The following ATP2B2 variants were observed in gnomAD, a reference collection of about 807,000 sequenced individuals.
ATP2B2 encodes ATPase plasma membrane Ca2+ transporting 2.
A neutral mutation model predicts 120.0 loss-of-function variants in ATP2B2; 15 were observed. The observed-to-expected ratio is 0.12, with a 90% CI of 0.08 to 0.19. ATP2B2 has a LOEUF of 0.19. Among genes scored for constraint, ATP2B2 ranks in the 10% least tolerant of loss-of-function variants. The pLI, the probability that ATP2B2 is intolerant of heterozygous loss-of-function variation, is 1.00. For synonymous variants in ATP2B2, 694 were observed against 700.3 expected (o/e 0.99, Z 0.14); for missense variants, 1,045 against 1,719.8 (o/e 0.61, Z 6.94).
chr3:10,687,733 C>T (rs1193948989), intron 1 of ATP2B2, among the ~76,000 whole-genome samples: 1 of 152,034 alleles, frequency 6.6e-6, no homozygotes, highest in African/African-American at 2.4e-5. Flanking sequence ...TAGTGGTGCA[C>T]ACTTGTAATC....
intron 3 of ATP2B2, among the ~76,000 whole-genome samples, chr3:10,526,857 G>A (rs1402961725): frequency 6.6e-6 from 1 of 152,152 alleles, no homozygotes; most frequent in East Asian, 1.9e-4. Context: ...TAACCATGAT[G>A]ATAGTGATGA....
chr3:10,388,267 T>C lies in ATP2B2; in HGVS notation c.907+10A>G. The C allele has an allele frequency of 6.2e-7, 1 of 1,614,138 alleles. No individual in the cohort carries two copies. On this transcript the variant is annotated intron_variant, in intron 6 of 22. Coordinates refer to ENST00000360273, the MANE Select transcript of ATP2B2 (RefSeq NM_001001331.4). ...GCTCCTCTCCTGGTCTGCAAGGGGA[T>C]TAGGCTTACCTTTTTTGTCTTTCTT...
intron 6 of ATP2B2, chr3:10,387,937 C>T (rs2061729100): frequency 5.6e-6 from 2 of 355,232 alleles, no homozygotes; most frequent in Non-Finnish European, 1.1e-5. Context: ...GGGATTTCTA[C>T]TCAATACTGG....
At chr3:10,668,820 A>G (rs2071017308) in intron 1 of ATP2B2, among the ~76,000 whole-genome samples, 1 of 152,224 alleles carries the variant, frequency 6.6e-6, no homozygotes, top group African/African-American at 2.4e-5. Context: ...TTTCTGCTGT[A>G]TCCCCAGCCC....
rs2068499254 is a variant in ATP2B2 at position 10,585,867 on chromosome 3, T to A, written c.-415+34050A>T. Among the ~76,000 whole-genome samples the A allele has an allele frequency of 2.6e-5, 4 of 152,202 alleles. 1 individual carries two copies. In the South Asian group the frequency reaches 6.2e-4, roughly 24 times the overall value. ...AAACTAACTTCTCTATTTGCTTTCGTGTTCCCTCTGTTCTGTCACTAGAAT... is the reference window on the plus strand; with the variant it reads ...AAACTAACTTCTCTATTTGCTTTCGAGTTCCCTCTGTTCTGTCACTAGAAT... On this transcript the variant is annotated intron_variant, in intron 2 of 21. Coordinates refer to the ATP2B2 transcript ENST00000646379.
chr3:10,695,438 T>C (rs2071728986), intron 1 of ATP2B2, among the ~76,000 whole-genome samples: 1 of 152,022 alleles, frequency 6.6e-6, no homozygotes, highest in Non-Finnish European at 1.5e-5. Context: ...AAAATGAGAT[T>C]TGGATGGGGA....
rs914583980 is a variant in ATP2B2, at chr3:10,501,084, A to T, written c.-320+4381T>A. Reference sequence around the variant, plus strand: ...AACACACTCTCCCCCATACCCAGGGACCTCTGTTTCTTTAGGAACCTGAGC... The same window carrying T: ...AACACACTCTCCCCCATACCCAGGGTCCTCTGTTTCTTTAGGAACCTGAGC... On this transcript the variant is annotated intron_variant, in intron 1 of 22. Transcript: ENST00000360273. 3.3e-5 allele frequency among the ~76,000 whole-genome samples: 5 copies of T among 152,118 alleles called. No homozygotes were observed. In the East Asian group the frequency reaches 7.7e-4, roughly 24 times the overall value.
chr3:10,433,400 T>C (rs565505625), intron 2 of ATP2B2, among the ~76,000 whole-genome samples: 48 of 152,282 alleles, frequency 3.2e-4, no homozygotes, highest in South Asian at 1.0e-3. Flanking sequence ...GGGGGTGCTA[T>C]TTCTGATACT....
At chr3:10,536,686 C>G (rs1401955958) in intron 2 of ATP2B2, among the ~76,000 whole-genome samples, 1 of 152,036 alleles carries the variant, frequency 6.6e-6, no homozygotes, top group East Asian at 1.9e-4. Context: ...ACCACTATGC[C>G]CAGCTAATTT....
intron 1 of ATP2B2, among the ~76,000 whole-genome samples, chr3:10,622,740 G>T (rs973249385): frequency 6.6e-6 from 1 of 152,246 alleles, no homozygotes; most frequent in African/African-American, 2.4e-5. Flanking sequence ...TGGGGGCCTT[G>T]CAGAGGCTTT....
At chr3:10,608,968 C>T (rs1328125604) in intron 2 of ATP2B2, among the ~76,000 whole-genome samples, 1 of 152,164 alleles carries the variant, frequency 6.6e-6, no homozygotes, top group Non-Finnish European at 1.5e-5. Flanking sequence ...TCCTATAACC[C>T]CCTTGCCTTG....
At chr3:10,493,786 A>AG (rs2066028628) in intron 1 of ATP2B2, among the ~76,000 whole-genome samples, 1 of 152,188 alleles carries the variant, frequency 6.6e-6, no homozygotes, top group African/African-American at 2.4e-5. Context: ...ATGACTCCAG[A>AG]GGCCCAGAGT....
At chr3:10,661,882 G>C (rs1366080349) in intron 1 of ATP2B2, among the ~76,000 whole-genome samples, 1 of 152,180 alleles carries the variant, frequency 6.6e-6, no homozygotes, top group Admixed American at 6.5e-5. Flanking sequence ...AAACAGCATA[G>C]TACTGGTACC....
intron 2 of ATP2B2, among the ~76,000 whole-genome samples, chr3:10,415,377 A>T (rs1272170073): frequency 1.3e-5 from 2 of 152,184 alleles, no homozygotes; most frequent in Non-Finnish European, 2.9e-5. Flanking sequence ...GATTTTGACA[A>T]GATAGGAAGG....
chr3:10,621,592 T>A (rs554058816), intron 1 of ATP2B2, among the ~76,000 whole-genome samples: 2 of 152,338 alleles, frequency 1.3e-5, no homozygotes, highest in African/African-American at 4.8e-5. Context: ...GTCCCTTCCT[T>A]CTGGCCTGGG....
chr3:10,570,661 G>A (rs1254985394), intron 2 of ATP2B2, among the ~76,000 whole-genome samples: 1 of 152,200 alleles, frequency 6.6e-6, no homozygotes, highest in Non-Finnish European at 1.5e-5. Flanking sequence ...TGGCCTCTTG[G>A]TGGAGAGAGT....
intron 3 of ATP2B2, among the ~76,000 whole-genome samples, chr3:10,522,363 T>A (rs748622168): frequency 6.6e-6 from 1 of 152,128 alleles, no homozygotes; most frequent in Non-Finnish European, 1.5e-5. Flanking sequence ...AGCTAGTAAG[T>A]GGAGGAGCTG....
rs77152669 is a variant in ATP2B2, at chr3:10,383,707, T to C, written c.1000+1561A>G. On this transcript the variant is annotated intron_variant, in intron 8 of 22. Transcript: ENST00000360273. ...GACAATAAAACCTGTATCATGGGGG[T>C]GTCATGAGGATTAAATGAGATGGTG... Among the ~76,000 whole-genome samples the C allele has an allele frequency of 8.1e-3, 1,226 of 152,160 alleles. 9 individuals are homozygous for C. Among genetic ancestry groups the C allele is most frequent in the African/African-American group, 0.028 (1,142 of 41,498 alleles).
At chr3:10,398,615 G>A (rs556082941) in intron 5 of ATP2B2, among the ~76,000 whole-genome samples, 1 of 152,284 alleles carries the variant, frequency 6.6e-6, no homozygotes, top group South Asian at 2.1e-4. Context: ...ACTAAGGGGT[G>A]AGCTCCCTTC....
Sources: gnomAD v4.1 joint callset for allele counts (sites outside exome capture counted in the v4.1 genomes callset) on GRCh38, gnomAD v4.1.1 for gene constraint, MANE v1.5 for transcripts, NCBI Gene and HGNC (gene_info 2026-07-23, HGNC 2026-07-21) for gene names.